The following MEI4 variants were observed in gnomAD, a reference collection of about 807,000 sequenced individuals.
The protein encoded by MEI4 is meiotic double-stranded break formation protein 4.
In MEI4, 27 loss-of-function variants were observed where a neutral mutation model predicts 31.4. The observed-to-expected ratio is 0.86, with a 90% CI of 0.63 to 1.19. MEI4 has a LOEUF of 1.19. Ranked by LOEUF, MEI4 falls within the 50% of genes most tolerant of loss-of-function variation. The pLI is 0.00. For missense variants in MEI4, 329 were observed against 398.9 expected (o/e 0.82, Z 1.49); for synonymous variants, 122 against 145.4 (o/e 0.84, Z 1.16).
intron 2 of MEI4, among the ~76,000 whole-genome samples, chr6:77,736,048 G>A (rs1395230645): frequency 6.6e-6 from 1 of 151,532 alleles, no homozygotes; most frequent in Non-Finnish European, 1.5e-5. Context: ...CTGTCAGACA[G>A]GGACTTTTAA....
At chr6:77,656,923 A>G (rs1001798933) in intron 1 of MEI4, among the ~76,000 whole-genome samples, 1 of 152,206 alleles carries the variant, frequency 6.6e-6, no homozygotes, top group Non-Finnish European at 1.5e-5. Context: ...CTCTTCATCA[A>G]AATCAGTTTC....
chr6:77,764,718 T>C (rs1768125200), intron 3 of MEI4, among the ~76,000 whole-genome samples: 1 of 152,202 alleles, frequency 6.6e-6, no homozygotes, highest in African/African-American at 2.4e-5. Context: ...TCACAAAACA[T>C]GTCTTAACCA....
intron 3 of MEI4, among the ~76,000 whole-genome samples, chr6:77,807,108 G>T (rs1437936234): frequency 6.7e-6 from 1 of 149,880 alleles, no homozygotes; most frequent in East Asian, 2.0e-4. Context: ...TCAGCTTCTT[G>T]ACATATGCTA....
rs9359287 is a variant in MEI4 at position 77,785,486 on chromosome 6, A to G, written c.768+23821A>G. Among the ~76,000 whole-genome samples, 1,206 of 152,300 alleles carry G rather than the reference A, an allele frequency of 7.9e-3. 39 individuals are homozygous for G. In the East Asian group the frequency reaches 0.088, roughly 11 times the overall value. On this transcript the variant is annotated intron_variant, in intron 3 of 4. Transcript: ENST00000684080. ...AAGAGGGAGGGCCTTGAGTGAAGGC[A>G]ATGGTAGGGCACAGACTAGACATTT... is the stretch of plus-strand genomic sequence containing the variant.
At chr6:77,746,536 C>T (rs1193418308) in intron 2 of MEI4, among the ~76,000 whole-genome samples, 3 of 152,102 alleles carry the variant, frequency 2.0e-5, no homozygotes, top group African/African-American at 7.2e-5. Context: ...CTACAACTTA[C>T]AGTATCCTGG....
At chr6:77,902,364 G>A (rs931851607) in intron 4 of MEI4, among the ~76,000 whole-genome samples, 1 of 151,984 alleles carries the variant, frequency 6.6e-6, no homozygotes, top group Non-Finnish European at 1.5e-5. Context: ...CTGTTTAGTT[G>A]TATATTCTTC....
intron 4 of MEI4, among the ~76,000 whole-genome samples, chr6:77,914,182 A>G (rs1028418467): frequency 3.3e-5 from 5 of 151,348 alleles, no homozygotes; most frequent in Admixed American, 2.6e-4. Flanking sequence ...TTATTGAGCT[A>G]TATCATTAGA....
chr6:77,851,494 G>A (rs1361345168), intron 4 of MEI4, among the ~76,000 whole-genome samples: 4 of 152,004 alleles, frequency 2.6e-5, no homozygotes, highest in Admixed American at 2.0e-4. Context: ...GGACATGGAT[G>A]AAGCTGGAAA....
intron 2 of MEI4, among the ~76,000 whole-genome samples, chr6:77,705,025 A>G (rs1398357915): frequency 6.6e-6 from 1 of 152,162 alleles, no homozygotes; most frequent in Admixed American, 6.5e-5. Context: ...CCTAACAGCA[A>G]CAACAACAAT....
chr6:77,662,587 A>G (rs113073652), intron 1 of MEI4, among the ~76,000 whole-genome samples: 1 of 152,162 alleles, frequency 6.6e-6, no homozygotes, highest in Non-Finnish European at 1.5e-5. Context: ...TGAGTTGAGC[A>G]TAGTTTGTGA....
intron 4 of MEI4, among the ~76,000 whole-genome samples, chr6:77,876,436 A>G (rs1313900557): frequency 1.3e-5 from 2 of 152,114 alleles, no homozygotes; most frequent in Non-Finnish European, 2.9e-5. Flanking sequence ...TGATACCCTT[A>G]GCCATGGGAT....
chr6:77,854,188 A>G (rs114289156), intron 4 of MEI4, among the ~76,000 whole-genome samples: 1 of 151,846 alleles, frequency 6.6e-6, no homozygotes, highest in African/African-American at 2.4e-5. Context: ...TCTATTCATG[A>G]CTCGCTATTA....
chr6:77,778,668 C>G (rs1768519296), intron 3 of MEI4, among the ~76,000 whole-genome samples: 1 of 151,798 alleles, frequency 6.6e-6, no homozygotes, highest in Non-Finnish European at 1.5e-5. Flanking sequence ...ACACTGCACT[C>G]CAGCCTGAGT....
intron 4 of MEI4, among the ~76,000 whole-genome samples, chr6:77,914,062 T>A (rs1056582975): frequency 6.6e-6 from 1 of 151,246 alleles, no homozygotes; most frequent in African/African-American, 2.4e-5. Flanking sequence ...TCGTTGATGT[T>A]TTATATTGTT....
At chr6:77,680,783 A>G (rs2127649017) in intron 1 of MEI4, among the ~76,000 whole-genome samples, 1 of 152,336 alleles carries the variant, frequency 6.6e-6, no homozygotes, top group East Asian at 1.9e-4. Context: ...CCCTGAGAGA[A>G]GAAGCCATGA....
intron 4 of MEI4, among the ~76,000 whole-genome samples, chr6:77,919,623 G>T (rs1766653533): frequency 6.6e-6 from 1 of 151,328 alleles, no homozygotes; most frequent in Non-Finnish European, 1.5e-5. Context: ...TCAAAAGCTA[G>T]CAGAAGGCAA....
At chr6:77,826,013 C>T (rs1431626853) in intron 3 of MEI4, among the ~76,000 whole-genome samples, 1 of 152,096 alleles carries the variant, frequency 6.6e-6, no homozygotes, top group African/African-American at 2.4e-5. Flanking sequence ...AAATTCCCTA[C>T]CATTGAACAG....
At chr6:77,797,631 AG>A (rs1769116330) in intron 3 of MEI4, among the ~76,000 whole-genome samples, 1 of 152,128 alleles carries the variant, frequency 6.6e-6, no homozygotes, top group African/African-American at 2.4e-5. Context: ...CAAAGGTTGA[AG>A]AACTTGGAGT....
intron 2 of MEI4, among the ~76,000 whole-genome samples, chr6:77,712,970 CAA>C (rs547600542): frequency 2.3e-4 from 23 of 99,936 alleles, no homozygotes; most frequent in East Asian, 2.7e-4. Context: ...GACTCCATCT[CAA>C]AAAAAAAAAA....
Sources: allele counts gnomAD v4.1 joint callset (sites outside exome capture counted in the v4.1 genomes callset), GRCh38; gene constraint gnomAD v4.1.1; transcripts MANE v1.5; gene names NCBI Gene and HGNC (gene_info 2026-07-23, HGNC 2026-07-21).